GGPS1: variants seen among roughly 807,000 people sequenced by gnomAD.
GGPS1 encodes geranylgeranyl pyrophosphate synthase.
In GGPS1, 15 loss-of-function variants were observed where a neutral mutation model predicts 28.1. The observed-to-expected ratio is 0.53, with a 90% confidence interval of 0.36 to 0.82. The LOEUF (loss-of-function observed/expected upper bound fraction) is 0.82. Ranked by LOEUF, GGPS1 falls within the 40% of genes least tolerant of loss-of-function variation. The probability of loss-of-function intolerance (pLI) is 0.01; values close to 1 mark genes in which losing one functional copy is unlikely to be tolerated. For synonymous variants in GGPS1, 138 were observed against 122.4 expected (o/e 1.13, Z -0.84); for missense variants, 284 against 348.3 (o/e 0.82, Z 1.47).
At chr1:235,333,098 C>T (rs1035309884) in intron 1 of GGPS1, among the ~76,000 whole-genome samples, 1 of 141,548 alleles carries the variant, frequency 7.1e-6, no homozygotes, top group Non-Finnish European at 1.5e-5. Flanking sequence ...AAAAGGAACA[C>T]ATCCTCACTG....
intron 2 of GGPS1, among the ~76,000 whole-genome samples, chr1:235,337,646 T>A (rs375987706): frequency 2.0e-5 from 3 of 152,048 alleles, no homozygotes; most frequent in African/African-American, 7.3e-5. Flanking sequence ...CTGGCCAACA[T>A]GGTGAAACCC....
chr1:235,331,630 CTTT>C (rs574821998), intron 1 of GGPS1, among the ~76,000 whole-genome samples: 1 of 131,786 alleles, frequency 7.6e-6, no homozygotes, highest in African/African-American at 2.8e-5. Flanking sequence ...ATACACCGGG[CTTT>C]TTTTTTTTTT....
At position 235,342,834 on chromosome 1, in the gene GGPS1, A is replaced by G. The variant is rs139483230; in HGVS notation, c.*62A>G. 42 of 1,182,956 alleles carry G rather than the reference A, an allele frequency of 3.6e-5. No individual in the cohort carries two copies. The African/African-American group carries it at 6.3e-4, about 18-fold the overall frequency. 73.3% of individuals were successfully genotyped at this position (1,182,956 alleles called of 1,614,324 possible). On this transcript the variant is annotated 3_prime_UTR_variant, in exon 4 of 4. Coordinates refer to ENST00000282841, the MANE Select transcript of GGPS1 (RefSeq NM_004837.4). ...TTAGTTAATCTTTTTTTTGTCTTTT[A>G]GCCTTACCACCTTTTAAAAAATTTG...
intron 2 of GGPS1, among the ~76,000 whole-genome samples, chr1:235,341,032 AC>A (rs1676027644): frequency 6.6e-6 from 1 of 152,088 alleles, no homozygotes; most frequent in Non-Finnish European, 1.5e-5. Context: ...ATTAACTGAC[AC>A]TAAACTAGCT....
chr1:235,336,009 C>G (rs1488443227), intron 2 of GGPS1, among the ~76,000 whole-genome samples: 1 of 152,268 alleles, frequency 6.6e-6, no homozygotes, highest in Non-Finnish European at 1.5e-5. Flanking sequence ...ATATAGCCCA[C>G]TTTATTCCTG....
intron 1 of GGPS1, among the ~76,000 whole-genome samples, chr1:235,332,921 A>G (rs918225497): frequency 1.1e-4 from 17 of 152,004 alleles, no homozygotes; most frequent in South Asian, 2.1e-4. Context: ...TACAAAAATT[A>G]GCTGGGCGTG....
chr1:235,335,839 G>T (rs926079914), intron 2 of GGPS1, among the ~76,000 whole-genome samples: 1 of 152,174 alleles, frequency 6.6e-6, no homozygotes, highest in East Asian at 1.9e-4. Context: ...GGGAAGTTAC[G>T]CAGATTTGTT....
chr1:235,341,252 A>C (rs976879902), intron 2 of GGPS1, among the ~76,000 whole-genome samples: 10 of 151,858 alleles, frequency 6.6e-5, no homozygotes, highest in Admixed American at 2.0e-4. Flanking sequence ...ATGTGAACCC[A>C]GGAGGTGGAG....
chr1:235,342,905 GA>G lies in GGPS1; in HGVS notation c.*135del. 1 of 608,498 alleles carries G rather than the reference GA, an allele frequency of 1.6e-6. No homozygotes were observed. Among genetic ancestry groups the G allele is most frequent in the Non-Finnish European group, 2.9e-6 (1 of 345,078 alleles). 37.7% of individuals were successfully genotyped at this position (608,498 alleles called of 1,614,324 possible). ...ATAGGTGAGTAGGGGTGGTGCAAGT[GA>G]ATTCGTTTTCATTTAGAAGCCCCTC... On this transcript the variant is annotated 3_prime_UTR_variant, in exon 4 of 4. Transcript: ENST00000282841.
intron 2 of GGPS1, among the ~76,000 whole-genome samples, chr1:235,341,416 T>G (rs965621796): frequency 1.4e-4 from 21 of 152,354 alleles, no homozygotes; most frequent in Non-Finnish European, 2.5e-4. Flanking sequence ...TTAAAATTGT[T>G]TATTCAAGTT....
At chr1:235,337,541 A>C (rs1366011529) in intron 2 of GGPS1, among the ~76,000 whole-genome samples, 1 of 152,190 alleles carries the variant, frequency 6.6e-6, no homozygotes, top group Non-Finnish European at 1.5e-5. Flanking sequence ...AGAGTTACTA[A>C]AGTAACTTAG....
chr1:235,338,203 A>G (rs1252024706), intron 2 of GGPS1, among the ~76,000 whole-genome samples: 1 of 152,086 alleles, frequency 6.6e-6, no homozygotes, highest in Non-Finnish European at 1.5e-5. Context: ...CAACATGGCA[A>G]AACCCTGTCT....
intron 2 of GGPS1, among the ~76,000 whole-genome samples, chr1:235,340,735 C>CAAAAAA (rs1165162184): frequency 4.5e-4 from 23 of 50,952 alleles, no homozygotes; most frequent in African/African-American, 1.0e-3. Flanking sequence ...GACTCCGTCT[C>CAAAAAA]AAAAAAAAAA....
At position 235,342,483 on chromosome 1, in the gene GGPS1, G is replaced by A; in HGVS notation, c.614G>A (p.Cys205Tyr). The A allele has an allele frequency of 6.2e-7, 1 of 1,613,554 alleles. No homozygotes were observed. Among genetic ancestry groups the A allele is most frequent in the Non-Finnish European group, 8.5e-7 (1 of 1,179,752 alleles). The change falls in exon 4 of 4, where the codon TGT becomes TAT. Residue 205 changes from cysteine (C) to tyrosine (Y), a missense_variant. Physicochemically the swap from Cys to Tyr is radical, Grantham distance 194 (BLOSUM62 -2). Transcript: ENST00000282841. ...SKEYSENKSF[C>Y]EDLTEGKFSF... ...GAATATAGTGAAAACAAAAGTTTTTGTGAAGATCTGACAGAGGGAAAGTTC... is the reference window on the plus strand; with the variant it reads ...GAATATAGTGAAAACAAAAGTTTTTATGAAGATCTGACAGAGGGAAAGTTC...
rs1676099253 is a variant in GGPS1, at chr1:235,342,983, A to G, written c.*211A>G. ...GAAAGAATCAAAAGCAGCCACAGTT[A>G]TGTAGGTCTGATTTGAATGTCATAA... On this transcript the variant is annotated 3_prime_UTR_variant, in exon 4 of 4. Transcript: ENST00000282841. 3 of 410,226 alleles carry G rather than the reference A, an allele frequency of 7.3e-6. No homozygotes were observed. The South Asian group carries it at 1.7e-4, about 23-fold the overall frequency. 25.4% of individuals were successfully genotyped at this position (410,226 alleles called of 1,614,324 possible).
At chr1:235,335,393 T>C (rs1179975058) in intron 2 of GGPS1, 59 bp downstream of exon 2, 1 of 774,480 alleles carries the variant, frequency 1.3e-6, no homozygotes, top group East Asian at 2.6e-5. Context: ...GTCGTTCAAA[T>C]GTTAGCAAAT....
intron 2 of GGPS1, among the ~76,000 whole-genome samples, chr1:235,338,265 C>A (rs1675924618): frequency 2.0e-5 from 3 of 151,512 alleles, no homozygotes; most frequent in Admixed American, 2.0e-4. Flanking sequence ...CTTGTAGTCC[C>A]AGCTTACCTG....
chr1:235,342,519 C>G lies in GGPS1; in HGVS notation c.650C>G (p.Thr217Ser). The G allele has an allele frequency of 6.2e-7, 1 of 1,613,688 alleles. No homozygotes were observed. The highest frequency in any genetic ancestry group is 8.5e-7 in the Non-Finnish European group (1 of 1,179,682). ...DLTEGKFSFP[T>S]IHAIWSRPES... ...ACAGAGGGAAAGTTCTCATTTCCTA[C>G]TATTCATGCTATTTGGTCAAGGCCT... Residue 217 changes from threonine (T) to serine (S), a missense_variant, in exon 4 of 4, where the codon ACT becomes AGT. Transcript: ENST00000282841.
chr1:235,342,664 A>G lies in GGPS1; in HGVS notation c.795A>G (p.Lys265=). The G allele has an allele frequency of 6.2e-7, 1 of 1,611,388 alleles. No homozygotes were observed. Among genetic ancestry groups the G allele is most frequent in the Non-Finnish European group, 8.5e-7 (1 of 1,177,442 alleles). Residue 265 remains lysine (K), a synonymous_variant, in exon 4 of 4, where the codon AAA becomes AAG. Transcript: ENST00000282841. ...TTGAATACACTCGTAATACCCTTAA[A>G]GAGCTTGAAGCTAAAGCCTATAAAC... ...GSFEYTRNTL[K]ELEAKAYKQI...
Sources: allele counts gnomAD v4.1 joint callset (sites outside exome capture counted in the v4.1 genomes callset), GRCh38; gene constraint gnomAD v4.1.1; transcripts MANE v1.5; gene names NCBI Gene and HGNC (gene_info 2026-07-23, HGNC 2026-07-21).